Variants in NRG1 observed in about 807,000 individuals in gnomAD.
The protein encoded by NRG1 is pro-neuregulin-1, membrane-bound isoform.
A neutral mutation model predicts 63.8 loss-of-function variants in NRG1; 18 were observed. The observed-to-expected ratio is 0.28, with a 90% CI of 0.19 to 0.42. The LOEUF (loss-of-function observed/expected upper bound fraction) is 0.42, where lower values mean the gene tolerates loss of function less well. Ranked by LOEUF, NRG1 falls within the 10% of genes least tolerant of loss-of-function variation. The pLI is 1.00. For missense variants in NRG1, 762 were observed against 814.7 expected (o/e 0.94, Z 0.79); for synonymous variants, 302 against 301.3 (o/e 1.00, Z -0.02).
intron 1 of NRG1, among the ~76,000 whole-genome samples, chr8:31,963,255 T>C (rs1200120800): frequency 1.3e-5 from 2 of 152,216 alleles, no homozygotes; most frequent in Admixed American, 6.5e-5. Context: ...GATTTAATTT[T>C]CCTCCTGGTC....
At chr8:31,881,138 C>T (rs1471819659) in intron 1 of NRG1, among the ~76,000 whole-genome samples, 1 of 152,184 alleles carries the variant, frequency 6.6e-6, no homozygotes, top group Non-Finnish European at 1.5e-5. Context: ...TTTGCTTTAT[C>T]ATGCTTTGCA....
intron 1 of NRG1, among the ~76,000 whole-genome samples, chr8:31,907,229 A>AGG (rs1832593679): frequency 6.8e-6 from 1 of 148,004 alleles, no homozygotes; most frequent in Non-Finnish European, 1.5e-5. Context: ...TGATGGGTTG[A>AGG]TGCCACAGGA....
chr8:32,372,832 A>T (rs1023829232), intron 1 of NRG1, among the ~76,000 whole-genome samples: 1 of 152,126 alleles, frequency 6.6e-6, no homozygotes, highest in Non-Finnish European at 1.5e-5. Flanking sequence ...CATTGTTTCT[A>T]CTGGGAAAGG....
At chr8:32,406,836 T>C (rs1013746743) in intron 1 of NRG1, among the ~76,000 whole-genome samples, 105 of 152,154 alleles carry the variant, frequency 6.9e-4, no homozygotes, top group African/African-American at 2.4e-3. Flanking sequence ...TTGTCACCAG[T>C]TTTGAAAGGA....
chr8:32,260,155 A>T (rs1850205678), intron 1 of NRG1, among the ~76,000 whole-genome samples: 1 of 152,172 alleles, frequency 6.6e-6, no homozygotes, highest in Non-Finnish European at 1.5e-5. Context: ...TAGAAATGGG[A>T]TTACTAAAAC....
rs191315195 is a variant in NRG1, at chr8:31,875,243, G to A, written c.37+235812G>A. Among the ~76,000 whole-genome samples, 76 of 152,266 alleles carry A rather than the reference G, an allele frequency of 5.0e-4. 1 individual carries two copies. Among genetic ancestry groups the A allele is most frequent in the African/African-American group, 1.6e-3 (66 of 41,570 alleles). On this transcript the variant is annotated intron_variant, in intron 1 of 10. Transcript: ENST00000519301. ...AAAACTGGGACCCAAGGCATGCTTT[G>A]AGTCTCTTTGCCTCAGCCCGGGCAA...
intron 1 of NRG1, among the ~76,000 whole-genome samples, chr8:32,319,589 T>C (rs1281259319): frequency 6.6e-6 from 1 of 152,182 alleles, no homozygotes; most frequent in Non-Finnish European, 1.5e-5. Flanking sequence ...TGTTGGAGAA[T>C]ATGATCTCGT....
chr8:32,609,878 C>T (rs1846062514), intron 3 of NRG1, among the ~76,000 whole-genome samples: 1 of 151,596 alleles, frequency 6.6e-6, no homozygotes, highest in African/African-American at 2.4e-5. Flanking sequence ...GCCATGTTGG[C>T]CATGCTGGTC....
chr8:31,988,390 G>A (rs368029940), intron 1 of NRG1, among the ~76,000 whole-genome samples: 5 of 152,094 alleles, frequency 3.3e-5, no homozygotes, highest in Admixed American at 1.3e-4. Flanking sequence ...TGAATACACC[G>A]CTCATGTGGC....
intron 5 of NRG1, among the ~76,000 whole-genome samples, chr8:32,633,621 A>AT (rs1850745222): frequency 6.6e-6 from 1 of 152,210 alleles, no homozygotes; most frequent in Non-Finnish European, 1.5e-5. Flanking sequence ...AATAGAATCC[A>AT]TTATAAGACT....
chr8:32,729,474 G>A (rs1823088718), intron 6 of NRG1, among the ~76,000 whole-genome samples: 2 of 152,190 alleles, frequency 1.3e-5, no homozygotes, highest in Admixed American at 1.3e-4. Flanking sequence ...TTCTAAAGCA[G>A]CAATGCTTGT....
At chr8:32,746,554 CAA>C (rs1827469855) in intron 7 of NRG1, among the ~76,000 whole-genome samples, 1 of 152,082 alleles carries the variant, frequency 6.6e-6, no homozygotes, top group South Asian at 2.1e-4. Context: ...CAGTTTTCCT[CAA>C]GCAATTATAA....
At chr8:32,340,216 A>T (rs961937775) in intron 1 of NRG1, among the ~76,000 whole-genome samples, 3 of 152,238 alleles carry the variant, frequency 2.0e-5, no homozygotes, top group Admixed American at 2.0e-4. Flanking sequence ...AAAAATAAAA[A>T]ATAAAACAAT....
At chr8:32,370,559 A>G (rs1808676572) in intron 1 of NRG1, among the ~76,000 whole-genome samples, 1 of 152,052 alleles carries the variant, frequency 6.6e-6, no homozygotes, top group South Asian at 2.1e-4. Flanking sequence ...TATTATCTTA[A>G]TTAAAGCTGT....
rs76866653 is a variant in NRG1, at chr8:31,770,474, G to A, written c.37+131043G>A. Among the ~76,000 whole-genome samples, 305 of 151,964 alleles carry A rather than the reference G, an allele frequency of 2.0e-3. 10 individuals are homozygous for A. The East Asian group carries it at 0.053, about 26-fold the overall frequency. On this transcript the variant is annotated intron_variant, in intron 1 of 10. Transcript: ENST00000519301. ...TGGCTGCATAGTATTCCATGGTGTA[G>A]GATGAAGCTGGAAACCATCATTCTC... is the stretch of plus-strand genomic sequence containing the variant.
At chr8:32,017,317 A>G (rs1815700295) in intron 1 of NRG1, among the ~76,000 whole-genome samples, 1 of 152,194 alleles carries the variant, frequency 6.6e-6, no homozygotes, top group African/African-American at 2.4e-5. Flanking sequence ...TGGAAAAAAC[A>G]CAAACTGTTT....
chr8:31,921,764 T>C (rs1006719146), intron 1 of NRG1, among the ~76,000 whole-genome samples: 2 of 152,196 alleles, frequency 1.3e-5, no homozygotes, highest in Non-Finnish European at 2.9e-5. Flanking sequence ...TAAAATATGA[T>C]TGGTGAACAC....
chr8:31,692,478 A>G (rs1268874136), intron 1 of NRG1, among the ~76,000 whole-genome samples: 2 of 152,226 alleles, frequency 1.3e-5, no homozygotes, highest in African/African-American at 4.8e-5. Flanking sequence ...ATAAATATAC[A>G]TATAAACAGT....
intron 1 of NRG1, among the ~76,000 whole-genome samples, chr8:32,448,624 G>T (rs1325066366): frequency 6.6e-6 from 1 of 152,082 alleles, no homozygotes; most frequent in East Asian, 1.9e-4. Context: ...GGCAAAACAG[G>T]ATTGAGATGA....
Sources: allele counts gnomAD v4.1 joint callset (sites outside exome capture counted in the v4.1 genomes callset), GRCh38; gene constraint gnomAD v4.1.1; transcripts MANE v1.5; gene names NCBI Gene and HGNC (gene_info 2026-07-23, HGNC 2026-07-21).